PLCG2: variants seen among roughly 807,000 people sequenced by gnomAD.
PLCG2 encodes phospholipase C gamma 2.
In PLCG2, 69 loss-of-function variants were observed where a neutral mutation model predicts 175.6. The observed-to-expected ratio is 0.39, with a 90% confidence interval of 0.32 to 0.48. The LOEUF is 0.48. Among genes scored for constraint, PLCG2 ranks in the 20% least tolerant of loss-of-function variants. The probability of loss-of-function intolerance (pLI) is 0.91; values close to 1 mark genes in which losing one functional copy is unlikely to be tolerated. For missense variants in PLCG2, 1,798 were observed against 1,650.9 expected (o/e 1.09, Z -1.54); for synonymous variants, 827 against 624.0 (o/e 1.33, Z -4.85).
intron 7 of PLCG2, among the ~76,000 whole-genome samples, chr16:81,880,396 G>A (rs1000496550): frequency 1.3e-5 from 2 of 152,116 alleles, no homozygotes; most frequent in Non-Finnish European, 2.9e-5. Context: ...ACTCTACTCT[G>A]TAGAAAAACT....
chr16:81,930,019 C>G (rs1031534378), intron 24 of PLCG2, among the ~76,000 whole-genome samples: 40 of 152,252 alleles, frequency 2.6e-4, no homozygotes, highest in African/African-American at 9.6e-4. Flanking sequence ...ATGTGACTTT[C>G]TCTTAATGAG....
chr16:81,753,507 C>G (rs1305322826), intron 1 of PLCG2, among the ~76,000 whole-genome samples: 1 of 151,848 alleles, frequency 6.6e-6, no homozygotes, highest in Non-Finnish European at 1.5e-5. Flanking sequence ...ATGCCTCCAC[C>G]TCCCAGGTTC....
intron 1 of PLCG2, among the ~76,000 whole-genome samples, chr16:81,742,090 G>A (rs1469817230): frequency 7.5e-6 from 1 of 132,720 alleles, no homozygotes; most frequent in African/African-American, 3.0e-5. Context: ...TCCTCCATGT[G>A]CTCAACATTT....
Position 81,956,754 on chromosome 16 carries a change from G to C in PLCG2, c.3630G>C (p.Leu1210=), listed in dbSNP as rs774266268. Residue 1210 remains leucine (L), a synonymous_variant, in exon 32 of 33, where the codon CTG becomes CTC. Transcript: ENST00000564138. ...AGCTGAGGAGGCGGCAAGAAGAACT[G>C]AACAACCAGCTCTTTCTGTATGACA... ...CRQLRRRQEE[L]NNQLFLYDTH... is the part of the protein sequence containing the mutation. 2.5e-6 allele frequency: 4 copies of C among 1,614,148 alleles called. No homozygotes were observed. The highest frequency in any genetic ancestry group is 3.4e-6 in the Non-Finnish European group (4 of 1,180,010).
chr16:81,880,050 G>A (rs1908002149), intron 7 of PLCG2, among the ~76,000 whole-genome samples: 1 of 152,156 alleles, frequency 6.6e-6, no homozygotes, highest in African/African-American at 2.4e-5. Context: ...GACCATCCTG[G>A]GCAACATAGT....
At chr16:81,850,237 T>A (rs1449151495) in intron 2 of PLCG2, among the ~76,000 whole-genome samples, 2 of 152,140 alleles carry the variant, frequency 1.3e-5, no homozygotes, top group African/African-American at 4.8e-5. Context: ...TTTTGTTAGG[T>A]GTAAGGTTTT....
intron 31 of PLCG2, among the ~76,000 whole-genome samples, chr16:81,956,154 T>C (rs544618163): frequency 2.6e-5 from 4 of 152,218 alleles, no homozygotes; most frequent in African/African-American, 4.8e-5. Context: ...ATCGTGTGAT[T>C]TGTGATCTTT....
In PLCG2 at chr16:81,932,235, C is replaced by T. The variant is rs373053288; in HGVS notation, c.2739+581C>T. Among the ~76,000 whole-genome samples, 10 of 140,510 alleles carry T rather than the reference C, an allele frequency of 7.1e-5. No individual in the cohort carries two copies. The East Asian group carries it at 1.4e-3, about 19-fold the overall frequency. The allele number at this position is 140,510 out of a possible 152,430, so 92.2% of individuals were successfully genotyped here. ...TAAGAATAGGAGGTCTGGAATTGGG[C>T]AGACTGGAGTTTGCATCCTGGCAGG... is the stretch of plus-strand genomic sequence containing the variant. On this transcript the variant is annotated intron_variant, in intron 25 of 32. Coordinates refer to ENST00000564138, the MANE Select transcript of PLCG2 (RefSeq NM_002661.5).
intron 2 of PLCG2, among the ~76,000 whole-genome samples, chr16:81,836,794 C>T (rs540174361): frequency 2.0e-5 from 3 of 152,200 alleles, no homozygotes; most frequent in Non-Finnish European, 4.4e-5. Context: ...TCTGGCTCAA[C>T]CATTGTGACC....
In PLCG2 at chr16:81,827,907, A is replaced by G. The variant is rs137901349; in HGVS notation, c.194-26537A>G. ...GGAGTTCAAGTCCAACCTGATCAAC[A>G]TGGAGAAACCCCGTCTCTACTAAAA... On this transcript the variant is annotated intron_variant, in intron 2 of 32. Transcript: ENST00000564138. 3.5e-3 allele frequency among the ~76,000 whole-genome samples: 534 copies of G among 152,160 alleles called. 2 individuals are homozygous for G. Among genetic ancestry groups the G allele is most frequent in the Non-Finnish European group, 5.4e-3 (367 of 67,982 alleles).
At chr16:81,903,621 G>A (rs977180074) in intron 14 of PLCG2, among the ~76,000 whole-genome samples, 2 of 152,208 alleles carry the variant, frequency 1.3e-5, no homozygotes, top group East Asian at 1.9e-4. Context: ...GCCAAGGGAT[G>A]CTTCCAGCAC....
At chr16:81,935,880 G>C (rs747437533) in intron 26 of PLCG2, 64 of 984,774 alleles carry the variant, frequency 6.5e-5, no homozygotes, top group Non-Finnish European at 7.7e-5. Context: ...TACCACTTTT[G>C]TGTTTTCTTG....
chr16:81,891,894 T>C (rs890016909), intron 11 of PLCG2, among the ~76,000 whole-genome samples: 14 of 152,206 alleles, frequency 9.2e-5, no homozygotes, highest in African/African-American at 3.4e-4. Flanking sequence ...TTTCACGATT[T>C]GGGCATCTCA....
chr16:81,823,133 C>A (rs138021178), intron 2 of PLCG2, among the ~76,000 whole-genome samples: 2 of 152,242 alleles, frequency 1.3e-5, no homozygotes, highest in Non-Finnish European at 2.9e-5. Context: ...GGAAAGTGGC[C>A]TCTTGGATGA....
chr16:81,785,215 A>G (rs1910914824), intron 1 of PLCG2, among the ~76,000 whole-genome samples: 2 of 152,162 alleles, frequency 1.3e-5, no homozygotes, highest in African/African-American at 4.8e-5. Context: ...ACAAGCATAA[A>G]CAGCAATCAA....
Position 81,900,784 on chromosome 16 carries a change from G to C in PLCG2, c.1362+4G>C, listed in dbSNP as rs147501175. 7.5e-6 allele frequency: 12 copies of C among 1,594,400 alleles called. No individual in the cohort carries two copies. In the East Asian group the frequency reaches 2.7e-4, roughly 36 times the overall value. ...GCGGGAGAAGATCATCATCAAGGTA[G>C]GCACCCCGGGTGCTGCTGTTGGCTG... On this transcript the variant is annotated splice_donor_region_variant and intron_variant, in intron 14 of 32. Coordinates refer to ENST00000564138, the MANE Select transcript of PLCG2 (RefSeq NM_002661.5).
intron 16 of PLCG2, 54 bp downstream of exon 16, chr16:81,907,828 C>T (rs1411033952): frequency 2.2e-6 from 3 of 1,334,428 alleles, no homozygotes; most frequent in Non-Finnish European, 3.2e-6. Context: ...CCCCGAGGAC[C>T]AGCCAGTCCC....
At chr16:81,954,138 T>A (rs1415282552) in intron 31 of PLCG2, among the ~76,000 whole-genome samples, 1 of 152,076 alleles carries the variant, frequency 6.6e-6, no homozygotes, top group African/African-American at 2.4e-5. Context: ...TCTTACCCTC[T>A]CAGCCTCCTG....
At position 81,900,792 on chromosome 16, in the gene PLCG2, G is replaced by A. The variant is rs752025983; in HGVS notation, c.1362+12G>A. 13 of 1,590,476 alleles carry A rather than the reference G, an allele frequency of 8.2e-6. No homozygotes were observed. Among genetic ancestry groups the A allele is most frequent in the African/African-American group, 2.7e-5 (2 of 74,488 alleles). On this transcript the variant is annotated intron_variant, in intron 14 of 32. Transcript: ENST00000564138. ...AGATCATCATCAAGGTAGGCACCCCGGGTGCTGCTGTTGGCTGTCCAGGGA... is the reference window on the plus strand; with the variant it reads ...AGATCATCATCAAGGTAGGCACCCCAGGTGCTGCTGTTGGCTGTCCAGGGA...
Sources: allele counts gnomAD v4.1 joint callset (sites outside exome capture counted in the v4.1 genomes callset), GRCh38; gene constraint gnomAD v4.1.1; transcripts MANE v1.5; gene names NCBI Gene and HGNC (gene_info 2026-07-23, HGNC 2026-07-21).